Variants in ASPH observed in about 807,000 individuals in gnomAD.
The protein encoded by ASPH is aspartyl/asparaginyl beta-hydroxylase.
A neutral mutation model predicts 118.4 loss-of-function variants in ASPH; 100 were observed. The ratio of observed to expected loss-of-function variants is 0.84; its 90% confidence interval spans 0.72 to 1.00. The LOEUF (loss-of-function observed/expected upper bound fraction) is 1.00. Ranked by LOEUF, ASPH falls within the 50% of genes least tolerant of loss-of-function variation. The pLI is 0.00. For synonymous variants in ASPH, 315 were observed against 325.6 expected (o/e 0.97, Z 0.35); for missense variants, 920 against 919.5 (o/e 1.00, Z -0.01).
At chr8:61,697,104 A>G (rs917432639) in intron 1 of ASPH, among the ~76,000 whole-genome samples, 1 of 152,232 alleles carries the variant, frequency 6.6e-6, no homozygotes, top group Admixed American at 6.5e-5. Flanking sequence ...ATGGGGAGGA[A>G]AGTGAGGGAT....
chr8:61,555,513 C>T (rs964357432), intron 19 of ASPH, among the ~76,000 whole-genome samples: 1 of 152,026 alleles, frequency 6.6e-6, no homozygotes, highest in South Asian at 2.1e-4. Context: ...AGGCTGGTCT[C>T]GAACTCCTGA....
At chr8:61,526,999 A>G (rs745533138) in intron 21 of ASPH, among the ~76,000 whole-genome samples, 1 of 152,232 alleles carries the variant, frequency 6.6e-6, no homozygotes, top group Non-Finnish European at 1.5e-5. Flanking sequence ...TTGAAATGTT[A>G]ATAATTTCAA....
chr8:61,568,508 T>C (rs1053844141), intron 16 of ASPH, among the ~76,000 whole-genome samples: 1 of 152,178 alleles, frequency 6.6e-6, no homozygotes, highest in Non-Finnish European at 1.5e-5. Flanking sequence ...TCAGGAGATT[T>C]GTTTTGGACA....
intron 15 of ASPH, chr8:61,579,208 C>T: frequency 2.5e-6 from 4 of 1,613,316 alleles, no homozygotes; most frequent in Non-Finnish European, 3.4e-6. Context: ...CAGAGGGCTT[C>T]CCTGGAGGCC....
chr8:61,578,857 G>T (rs535771923), intron 15 of ASPH: 9 of 1,612,712 alleles, frequency 5.6e-6, no homozygotes, highest in Non-Finnish European at 7.6e-6. Context: ...CTGGAGTCTC[G>T]CCTGGAAGGG....
At chr8:61,604,109 AGGAATT>A (rs1344902110) in intron 14 of ASPH, among the ~76,000 whole-genome samples, 1 of 152,232 alleles carries the variant, frequency 6.6e-6, no homozygotes, top group Non-Finnish European at 1.5e-5. Flanking sequence ...CAAAATTCTG[AGGAATT>A]TTGACTTTGC....
intron 18 of ASPH, among the ~76,000 whole-genome samples, chr8:61,556,499 T>A (rs974514740): frequency 3.3e-5 from 5 of 152,212 alleles, no homozygotes; most frequent in Admixed American, 3.3e-4. Context: ...TACATCACAA[T>A]CCATTCATTC....
intron 3 of ASPH, among the ~76,000 whole-genome samples, chr8:61,678,474 A>G (rs1826409926): frequency 6.6e-6 from 1 of 152,110 alleles, no homozygotes; most frequent in South Asian, 2.1e-4. Flanking sequence ...TTGGCCAGAA[A>G]TAACCAAATA....
At chr8:61,581,911 T>A (rs1447805351) in intron 15 of ASPH, among the ~76,000 whole-genome samples, 4 of 152,244 alleles carry the variant, frequency 2.6e-5, no homozygotes, top group South Asian at 2.1e-4. Context: ...TGGAATATAA[T>A]CTGATCTATA....
At position 61,652,941 on chromosome 8, in the gene ASPH, G is replaced by A. The variant is rs1206514844; in HGVS notation, c.415+627C>T. Among the ~76,000 whole-genome samples, 10 of 152,282 alleles carry A rather than the reference G, an allele frequency of 6.6e-5. No homozygotes were observed. The South Asian group carries it at 2.1e-3, about 32-fold the overall frequency. The stretch of plus-strand genomic sequence containing the variant: ...TACTTAAGTTTTCAGTAAATATGTA[G>A]TGTCATTCCTTAAACTTTCAATAGG... On this transcript the variant is annotated intron_variant, in intron 4 of 24. Coordinates refer to ENST00000379454, the MANE Select transcript of ASPH (RefSeq NM_004318.4).
intron 15 of ASPH, among the ~76,000 whole-genome samples, chr8:61,581,247 C>T (rs1388499275): frequency 6.6e-6 from 1 of 152,202 alleles, no homozygotes; most frequent in Non-Finnish European, 1.5e-5. Flanking sequence ...GAAAGAATTT[C>T]CCTTCCCTAA....
chr8:61,696,833 T>C (rs556442019), intron 1 of ASPH, among the ~76,000 whole-genome samples: 54 of 152,176 alleles, frequency 3.5e-4, no homozygotes, highest in Non-Finnish European at 6.5e-4. Context: ...GAAAAGTTAT[T>C]ACAATGAATA....
At chr8:61,619,584 C>T (rs1465487181) in intron 13 of ASPH, among the ~76,000 whole-genome samples, 1 of 152,178 alleles carries the variant, frequency 6.6e-6, no homozygotes, top group Non-Finnish European at 1.5e-5. Context: ...GTGTCAGATG[C>T]ACTAAGTAAA....
intron 14 of ASPH, among the ~76,000 whole-genome samples, chr8:61,613,072 G>A (rs1023606466): frequency 2.6e-5 from 4 of 152,186 alleles, no homozygotes; most frequent in Non-Finnish European, 5.9e-5. Context: ...AGCACCACTA[G>A]AATAGTGTGA....
At chr8:61,540,841 C>T (rs536400705) in intron 21 of ASPH, among the ~76,000 whole-genome samples, 1 of 152,266 alleles carries the variant, frequency 6.6e-6, no homozygotes, top group East Asian at 1.9e-4. Flanking sequence ...GCCTGTAATC[C>T]TAGCACTTTA....
chr8:61,639,249 CA>C (rs1803923608), intron 10 of ASPH, among the ~76,000 whole-genome samples: 1 of 152,116 alleles, frequency 6.6e-6, no homozygotes, highest in South Asian at 2.1e-4. Context: ...TGCTTCTCGT[CA>C]CCCTCTCTTT....
chr8:61,506,981 A>G (rs939586470), intron 24 of ASPH, among the ~76,000 whole-genome samples: 1 of 152,200 alleles, frequency 6.6e-6, no homozygotes, highest in African/African-American at 2.4e-5. Context: ...GAACCTGGAA[A>G]CTACTTAAAA....
At chr8:61,515,984 A>G (rs1490389468) in intron 24 of ASPH, among the ~76,000 whole-genome samples, 1 of 152,184 alleles carries the variant, frequency 6.6e-6, no homozygotes, top group African/African-American at 2.4e-5. Context: ...CTTCCTAACA[A>G]AGGTCTGATC....
intron 3 of ASPH, chr8:61,675,650 G>A (rs1244529562): frequency 2.9e-5 from 28 of 980,750 alleles, no homozygotes; most frequent in Non-Finnish European, 3.3e-5. Context: ...TAAAAATCAT[G>A]CCAGAAATAT....
Sources: allele counts gnomAD v4.1 joint callset (sites outside exome capture counted in the v4.1 genomes callset), GRCh38; gene constraint gnomAD v4.1.1; transcripts MANE v1.5; gene names NCBI Gene and HGNC (gene_info 2026-07-23, HGNC 2026-07-21).